PSMA4: variants seen among roughly 807,000 people sequenced by gnomAD.
The protein encoded by PSMA4 is proteasome subunit alpha type-4.
Under a neutral mutation model 37.2 loss-of-function variants are expected in PSMA4, and 8 were observed. That is an observed-to-expected ratio of 0.22 (90% CI 0.13 to 0.39). The LOEUF is 0.39. Among genes scored for constraint, PSMA4 ranks in the 10% least tolerant of loss-of-function variants. The pLI, the probability that PSMA4 is intolerant of heterozygous loss-of-function variation, is 1.00. For missense variants in PSMA4, 169 were observed against 305.1 expected (o/e 0.55, Z 3.32); for synonymous variants, 93 against 98.8 (o/e 0.94, Z 0.35).
At position 78,542,081 on chromosome 15, in the gene PSMA4, G is replaced by GTA. The variant is rs111519804; in HGVS notation, c.4-93_4-92dup. The GTA allele has an allele frequency of 1.8e-5, 27 of 1,468,212 alleles. No homozygotes were observed. The African/African-American group carries it at 3.1e-4, about 17-fold the overall frequency. The allele number at this position is 1,468,212 out of a possible 1,614,324, so 90.9% of individuals were successfully genotyped here. A position where few individuals can be genotyped will look rare whatever the true frequency, so the allele number is the denominator to read the frequency against. ...AGTTTCCTCTCACCTATTGAACTTT[G>GTA]TATACCAGGATAGGTTTTGTAAGAT... On this transcript the variant is annotated intron_variant, in intron 2 of 8. Coordinates refer to ENST00000044462, the MANE Select transcript of PSMA4 (RefSeq NM_002789.6).
intron 6 of PSMA4, 25 bp from the exon 7 acceptor site, chr15:78,545,609 G>A (rs2052538002): frequency 3.7e-6 from 6 of 1,610,218 alleles, no homozygotes; most frequent in Non-Finnish European, 5.1e-6. Flanking sequence ...TTATTGATAT[G>A]TTTGGCTTTT....
intron 8 of PSMA4, 40 bp downstream of exon 8, chr15:78,546,738 A>T: frequency 6.5e-7 from 1 of 1,537,868 alleles, no homozygotes; most frequent in Non-Finnish European, 8.8e-7. Flanking sequence ...CGACTGAGTG[A>T]GGGAAATTAG....
chr15:78,548,745 G>A (rs368647994), intron 8 of PSMA4, 45 bp from the exon 9 acceptor site: 174 of 1,576,056 alleles, frequency 1.1e-4, no homozygotes, highest in Non-Finnish European at 1.5e-4. Flanking sequence ...TGCTAAGTAT[G>A]CCTGCCTGCC....
Position 78,548,808 on chromosome 15 carries a change from C to T in PSMA4, c.650C>T (p.Thr217Ile). 6.2e-7 allele frequency: 1 copy of T among 1,606,080 alleles called. No homozygotes were observed. The highest frequency in any genetic ancestry group is 8.5e-7 in the Non-Finnish European group (1 of 1,177,878). ...TTTTTAGTGGAAATTGCAACACTAA[C>T]AAGAGAGAATGGAAAGACAGTAATC... is the stretch of plus-strand genomic sequence containing the variant. Reference protein sequence around the residue: ...SAEKVEIATLTRENGKTVIRV... With the variant: ...SAEKVEIATLIRENGKTVIRV... The change falls in exon 9 of 9, where the codon ACA becomes ATA. Residue 217 changes from threonine to isoleucine, a missense_variant. Coordinates refer to ENST00000044462, the MANE Select transcript of PSMA4 (RefSeq NM_002789.6).
At chr15:78,547,900 TGTTAGG>T (rs2052582264) in intron 8 of PSMA4, among the ~76,000 whole-genome samples, 1 of 151,836 alleles carries the variant, frequency 6.6e-6, no homozygotes, top group African/African-American at 2.4e-5. Flanking sequence ...TGTTGCTTTA[TGTTAGG>T]ACAGTTTAGC....
At chr15:78,541,668 A>C (rs1596040884) in intron 1 of PSMA4, 1 of 491,274 alleles carries the variant, frequency 2.0e-6, no homozygotes, top group Non-Finnish European at 3.6e-6. Flanking sequence ...CCCTTTTCCC[A>C]CCCTACCCCC....
At position 78,552,411 on chromosome 15, in the gene PSMA4, A is replaced by T. The variant is rs1207104356; in HGVS notation, c.*3467A>T. The T allele has an allele frequency of 6.6e-6, 1 of 152,226 alleles. No homozygotes were observed. 9.4% of individuals were successfully genotyped at this position (152,226 alleles called of 1,614,324 possible). A position where few individuals can be genotyped will look rare whatever the true frequency, so the allele number is the denominator to read the frequency against. ...TCATGCTTTTAAAAATAAATTATGT[A>T]AAAAAATCATGTACTCCTGTGTATA... On this transcript the variant is annotated 3_prime_UTR_variant, in exon 9 of 9. Transcript: ENST00000044462.
At chr15:78,545,484 T>C (rs1331201395) in intron 6 of PSMA4, 150 bp from the exon 7 acceptor site, 2 of 875,740 alleles carry the variant, frequency 2.3e-6, no homozygotes, top group African/African-American at 3.4e-5. Flanking sequence ...GAATTTGTAA[T>C]GGAGCTTATC....
chr15:78,545,879 A>G (rs1398707000), intron 7 of PSMA4, 115 bp downstream of exon 7: 3 of 1,117,534 alleles, frequency 2.7e-6, no homozygotes, highest in Non-Finnish European at 3.9e-6. Context: ...CCTTAATGTG[A>G]TATGGAAATA....
chr15:78,543,600 GCT>G (rs1230826896), intron 4 of PSMA4, among the ~76,000 whole-genome samples: 1 of 106,060 alleles, frequency 9.4e-6, no homozygotes, highest in Non-Finnish European at 1.9e-5. Flanking sequence ...ACAGATTCTT[GCT>G]CTGTCACCCA....
chr15:78,542,926 A>G (rs1352844655), intron 4 of PSMA4, among the ~76,000 whole-genome samples: 1 of 152,204 alleles, frequency 6.6e-6, no homozygotes, highest in Non-Finnish European at 1.5e-5. Flanking sequence ...AGGCTATGTG[A>G]CCTTGCACCG....
At chr15:78,542,293 A>C in intron 3 of PSMA4, 74 bp downstream of exon 3, 1 of 1,501,606 alleles carries the variant, frequency 6.7e-7, no homozygotes, top group South Asian at 1.2e-5. Context: ...AAAAATTACA[A>C]ACTTTTTTTG....
intron 4 of PSMA4, 59 bp from the exon 5 acceptor site, chr15:78,544,121 TTAAATACTTA>T (rs1358722405): frequency 8.5e-7 from 1 of 1,172,536 alleles, no homozygotes; most frequent in African/African-American, 1.6e-5. Flanking sequence ...TTAGAATTTT[TTAAATACTTA>T]TAAACACTCC....
In PSMA4 at chr15:78,546,597, A is replaced by G. The variant is rs775108437; in HGVS notation, c.530A>G (p.Gln177Arg). 2 of 1,593,786 alleles carry G rather than the reference A, an allele frequency of 1.3e-6. No individual in the cohort carries two copies. The highest frequency in any genetic ancestry group is 1.7e-6 in the Non-Finnish European group (2 of 1,174,932). The change falls in exon 8 of 9, where the codon CAA becomes CGA. Residue 177 changes from glutamine to arginine, a missense_variant. This residue lies in a region of PSMA4 where 90 missense variants were observed against 92.7 expected (regional missense o/e 0.97). Transcript: ENST00000044462. The part of the protein sequence containing the change: ...NSAAAVSMLK[Q>R]DYKEGEMTLK... The stretch of plus-strand genomic sequence containing the variant: ...TAGGCAGCTGTGTCAATGTTGAAAC[A>G]AGACTATAAAGAAGGAGAAATGACC...
chr15:78,545,017 C>A lies in PSMA4; in HGVS notation c.376+60C>A, dbSNP rs527358417. 13 of 1,199,072 alleles carry A rather than the reference C, an allele frequency of 1.1e-5. No individual in the cohort carries two copies. The African/African-American group carries it at 1.6e-4, about 14-fold the overall frequency. 74.3% of individuals were successfully genotyped at this position (1,199,072 alleles called of 1,614,324 possible). A position where few individuals can be genotyped will look rare whatever the true frequency, so the allele number is the denominator to read the frequency against. ...GTTAAGACATTTTATGAGTTATAACCCTTTTGAGGTAGTAAAAAATTGAAA... is the reference window on the plus strand; with the variant it reads ...GTTAAGACATTTTATGAGTTATAACACTTTTGAGGTAGTAAAAAATTGAAA... On this transcript the variant is annotated intron_variant, in intron 6 of 8. Coordinates refer to ENST00000044462, the MANE Select transcript of PSMA4 (RefSeq NM_002789.6).
In PSMA4 at chr15:78,550,768, C is replaced by T. The variant is rs949190349; in HGVS notation, c.*1824C>T. 4 of 152,164 alleles carry T rather than the reference C, an allele frequency of 2.6e-5. No individual in the cohort carries two copies. The highest frequency in any genetic ancestry group is 4.4e-5 in the Non-Finnish European group (3 of 68,034). The allele number at this position is 152,164 out of a possible 1,614,324, so 9.4% of individuals were successfully genotyped here. On this transcript the variant is annotated 3_prime_UTR_variant, in exon 9 of 9. Coordinates refer to ENST00000044462, the MANE Select transcript of PSMA4 (RefSeq NM_002789.6). ...GAGCTGAAACAAGAATTCAGAGTGTCGCCTTGCTCAACCTCAGATGGGAAC... is the reference window on the plus strand; with the variant it reads ...GAGCTGAAACAAGAATTCAGAGTGTTGCCTTGCTCAACCTCAGATGGGAAC...
At chr15:78,544,619 A>G (rs2052519547) in intron 5 of PSMA4, 1 of 468,220 alleles carries the variant, frequency 2.1e-6, no homozygotes, top group African/African-American at 2.0e-5. Flanking sequence ...GTTTCTAAGG[A>G]GAGCTCACTT....
intron 2 of PSMA4, 107 bp downstream of exon 2, chr15:78,542,037 A>AG: frequency 6.8e-7 from 1 of 1,477,320 alleles, no homozygotes; most frequent in South Asian, 1.2e-5. Context: ...AGCAGTGAGA[A>AG]GGTGCCTTTT....
chr15:78,542,144 G>A lies in PSMA4; in HGVS notation c.4-33G>A, dbSNP rs781119255. ...TGCAGGAGTTGGCCTACTTTCAGTG[G>A]GTAGGAATCACTCATGTGTTTTTCC... is the stretch of plus-strand genomic sequence containing the variant. On this transcript the variant is annotated intron_variant, in intron 2 of 8. Transcript: ENST00000044462. The A allele has an allele frequency of 4.4e-6, 7 of 1,604,760 alleles. No homozygotes were observed. The East Asian group carries it at 1.6e-4, about 36-fold the overall frequency.
Sources: gnomAD v4.1 joint callset for allele counts (sites outside exome capture counted in the v4.1 genomes callset) on GRCh38, gnomAD v4.1.1 for gene constraint, gnomAD v4.1.1 regional missense constraint, MANE v1.5 for transcripts, NCBI Gene and HGNC (gene_info 2026-07-23, HGNC 2026-07-21) for gene names.